The following SPOCK3 variants were observed in gnomAD, a reference collection of about 807,000 sequenced individuals.
The protein encoded by SPOCK3 is SPARC (osteonectin), cwcv and kazal like domains proteoglycan 3.
SPOCK3 carries 30 observed loss-of-function variants against 56.6 expected under a neutral mutation model. The ratio of observed to expected loss-of-function variants is 0.53; its 90% CI spans 0.40 to 0.72. The LOEUF is 0.72. Among genes scored for constraint, SPOCK3 ranks in the 30% least tolerant of loss-of-function variants. SPOCK3 has a pLI of 0.00. For synonymous variants in SPOCK3, 196 were observed against 183.3 expected, an observed-to-expected ratio of 1.07 and a Z score of -0.56; for missense variants, 527 against 530.0, an observed-to-expected ratio of 0.99 and a Z score of 0.06.
At chr4:166,886,271 A>T (rs929505304) in intron 6 of SPOCK3, among the ~76,000 whole-genome samples, 1 of 152,116 alleles carries the variant, frequency 6.6e-6, no homozygotes. Context: ...TTTTATTTGC[A>T]ATTGAACAGT....
intron 7 of SPOCK3, among the ~76,000 whole-genome samples, chr4:166,778,956 G>T (rs2126606847): frequency 6.6e-6 from 1 of 152,200 alleles, no homozygotes; most frequent in African/African-American, 2.4e-5. Flanking sequence ...ACTGAGGAAA[G>T]CCGAAGAAAT....
At chr4:167,103,880 C>A (rs546907231) in intron 2 of SPOCK3, among the ~76,000 whole-genome samples, 1 of 152,114 alleles carries the variant, frequency 6.6e-6, no homozygotes, top group African/African-American at 2.4e-5. Context: ...CAACTCCAGG[C>A]AGGTCATCAC....
chr4:167,165,802 A>G (rs1043551631), intron 2 of SPOCK3, among the ~76,000 whole-genome samples: 4 of 152,110 alleles, frequency 2.6e-5, no homozygotes, highest in Non-Finnish European at 4.4e-5. Flanking sequence ...TTGCAGTTGC[A>G]TATAAGAGGG....
intron 6 of SPOCK3, among the ~76,000 whole-genome samples, chr4:166,874,771 G>A (rs1000705811): frequency 6.6e-6 from 1 of 152,164 alleles, no homozygotes; most frequent in African/African-American, 2.4e-5. Context: ...TGACGTATAT[G>A]CAAAATGACA....
At chr4:167,116,661 C>G (rs1333382275) in intron 2 of SPOCK3, among the ~76,000 whole-genome samples, 2 of 64,184 alleles carry the variant, frequency 3.1e-5, no homozygotes, top group Non-Finnish European at 3.1e-5. Flanking sequence ...CACATATATA[C>G]GTATATAGTA....
intron 3 of SPOCK3, among the ~76,000 whole-genome samples, chr4:167,018,159 T>G (rs1750829646): frequency 1.3e-5 from 2 of 152,122 alleles, no homozygotes; most frequent in Non-Finnish European, 2.9e-5. Flanking sequence ...GTACAAGTAT[T>G]AATAAAAAAC....
At chr4:166,878,894 A>G (rs2126972664) in intron 6 of SPOCK3, among the ~76,000 whole-genome samples, 1 of 152,302 alleles carries the variant, frequency 6.6e-6, no homozygotes. Context: ...TAGCATCCAC[A>G]TCCTAGGGCT....
intron 8 of SPOCK3, among the ~76,000 whole-genome samples, chr4:166,747,352 T>A (rs1212073872): frequency 1.3e-5 from 2 of 152,076 alleles, no homozygotes; most frequent in Non-Finnish European, 2.9e-5. Context: ...ATAAACGTAA[T>A]CCATCACAAA....
chr4:167,071,687 G>A (rs761414852), intron 2 of SPOCK3, among the ~76,000 whole-genome samples: 1 of 151,996 alleles, frequency 6.6e-6, no homozygotes, highest in Non-Finnish European at 1.5e-5. Context: ...AAACATAGGT[G>A]TGCATGTGTC....
chr4:167,134,580 CTT>C, intron 2 of SPOCK3, among the ~76,000 whole-genome samples: 1 of 152,046 alleles, frequency 6.6e-6, no homozygotes, highest in South Asian at 2.1e-4. Context: ...ATTTCTAAAA[CTT>C]AAAGTATAAT....
chr4:166,999,816 T>C (rs1414876496), intron 4 of SPOCK3, among the ~76,000 whole-genome samples: 2 of 152,082 alleles, frequency 1.3e-5, no homozygotes, highest in Non-Finnish European at 2.9e-5. Flanking sequence ...AATCCTCCCT[T>C]CTTTTTTAGA....
intron 4 of SPOCK3, among the ~76,000 whole-genome samples, chr4:166,949,177 T>A (rs1282722502): frequency 2.6e-5 from 4 of 152,248 alleles, no homozygotes; most frequent in Non-Finnish European, 5.9e-5. Context: ...TTCTCGAGCC[T>A]TGGCTTTCAG....
chr4:166,961,211 A>G (rs1030146068), intron 4 of SPOCK3, among the ~76,000 whole-genome samples: 1 of 151,764 alleles, frequency 6.6e-6, no homozygotes, highest in African/African-American at 2.4e-5. Flanking sequence ...CATCAATTTT[A>G]AAAAAAACCT....
At chr4:166,980,672 G>C (rs891839554) in intron 4 of SPOCK3, among the ~76,000 whole-genome samples, 4 of 152,248 alleles carry the variant, frequency 2.6e-5, no homozygotes, top group Admixed American at 2.0e-4. Context: ...AGGGTGGGCA[G>C]CTCCAGGCTC....
At chr4:167,201,515 A>G (rs1435214289) in intron 2 of SPOCK3, among the ~76,000 whole-genome samples, 1 of 152,014 alleles carries the variant, frequency 6.6e-6, no homozygotes, top group Non-Finnish European at 1.5e-5. Context: ...GGAAATAAAT[A>G]TCTCAAAATA....
chr4:166,896,240 A>G (rs1735368597), intron 5 of SPOCK3, among the ~76,000 whole-genome samples: 1 of 152,136 alleles, frequency 6.6e-6, no homozygotes, highest in Non-Finnish European at 1.5e-5. Flanking sequence ...AAATTTTCAC[A>G]AGGCAGCCCT....
chr4:167,056,550 T>A (rs554525384), intron 3 of SPOCK3, among the ~76,000 whole-genome samples: 187 of 151,986 alleles, frequency 1.2e-3, no homozygotes, highest in African/African-American at 4.0e-3. Context: ...AAAATTTAGA[T>A]GAATGTATAA....
At chr4:166,819,157 C>A (rs1744670949) in intron 6 of SPOCK3, among the ~76,000 whole-genome samples, 1 of 152,034 alleles carries the variant, frequency 6.6e-6, no homozygotes, top group Non-Finnish European at 1.5e-5. Context: ...TGCAACATAT[C>A]TAATACCCAT....
At chr4:166,837,693 A>C (rs911819730) in intron 6 of SPOCK3, among the ~76,000 whole-genome samples, 1 of 152,150 alleles carries the variant, frequency 6.6e-6, no homozygotes, top group African/African-American at 2.4e-5. Context: ...TTCTATCCTC[A>C]AACATAATTT....
Sources: gnomAD v4.1 joint callset for allele counts (sites outside exome capture counted in the v4.1 genomes callset) on GRCh38, gnomAD v4.1.1 for gene constraint, MANE v1.5 for transcripts, NCBI Gene and HGNC (gene_info 2026-07-23, HGNC 2026-07-21) for gene names.